Variants in RAPGEF4 observed in about 807,000 individuals in gnomAD.
The protein encoded by RAPGEF4 is RAP guanine-nucleotide-exchange factor (GEF) 4.
Under a neutral mutation model 147.9 loss-of-function variants are expected in RAPGEF4, and 66 were observed. The observed-to-expected ratio is 0.45, with a 90% CI of 0.37 to 0.55. The LOEUF is 0.55. RAPGEF4 is among the 20% of genes least tolerant of loss of function. The pLI is 0.00. For missense variants in RAPGEF4, 1,071 were observed against 1,257.3 expected (o/e 0.85, Z 2.24); for synonymous variants, 419 against 442.7 (o/e 0.95, Z 0.67).
chr2:172,996,179 T>C (rs1438204374), intron 15 of RAPGEF4, among the ~76,000 whole-genome samples: 1 of 152,218 alleles, frequency 6.6e-6, no homozygotes, highest in Non-Finnish European at 1.5e-5. Flanking sequence ...AAGACTGAAG[T>C]TTCTCAGTTC....
chr2:172,869,258 G>A (rs971540384), intron 4 of RAPGEF4, among the ~76,000 whole-genome samples: 1 of 152,048 alleles, frequency 6.6e-6, no homozygotes, highest in African/African-American at 2.4e-5. Context: ...AAAATAGAAG[G>A]TTTATCATGG....
intron 2 of RAPGEF4, among the ~76,000 whole-genome samples, chr2:172,795,836 CT>C (rs551629055): frequency 1.9e-3 from 288 of 152,296 alleles, no homozygotes; most frequent in Middle Eastern, 0.01. Context: ...CAGGTCCTTC[CT>C]GTATTTTTTG....
chr2:172,805,812 T>C (rs545508286), intron 3 of RAPGEF4, among the ~76,000 whole-genome samples: 3 of 152,336 alleles, frequency 2.0e-5, no homozygotes, highest in African/African-American at 7.2e-5. Context: ...GGTGCCTGTG[T>C]AACTTAAAAG....
chr2:172,795,998 C>A (rs1193540410), intron 2 of RAPGEF4, among the ~76,000 whole-genome samples: 1 of 152,200 alleles, frequency 6.6e-6, no homozygotes, highest in Non-Finnish European at 1.5e-5. Context: ...AGAAGTCTCC[C>A]AGCAGCCTTC....
intron 4 of RAPGEF4, among the ~76,000 whole-genome samples, chr2:172,824,396 C>G (rs971406609): frequency 6.6e-6 from 1 of 152,222 alleles, no homozygotes; most frequent in Admixed American, 6.5e-5. Flanking sequence ...CCCCTTTGTG[C>G]TTACTTCTGC....
At chr2:172,766,782 A>G (rs1020541445) in intron 1 of RAPGEF4, among the ~76,000 whole-genome samples, 3 of 152,094 alleles carry the variant, frequency 2.0e-5, no homozygotes, top group African/African-American at 7.2e-5. Context: ...TTTAATAGAT[A>G]CTCTTTTCTG....
At chr2:172,940,956 C>A (rs921269890) in intron 6 of RAPGEF4, among the ~76,000 whole-genome samples, 2 of 152,116 alleles carry the variant, frequency 1.3e-5, no homozygotes, top group Non-Finnish European at 2.9e-5. Flanking sequence ...TAGATTAATA[C>A]AAAGTACTTT....
rs193123477 is a variant in RAPGEF4 at position 172,873,678 on chromosome 2, A to C, written c.445-44124A>C. Among the ~76,000 whole-genome samples, 159 of 152,348 alleles carry C rather than the reference A, an allele frequency of 1.0e-3. 1 individual carries two copies. Among genetic ancestry groups the C allele is most frequent in the African/African-American group, 3.5e-3 (144 of 41,590 alleles). On this transcript the variant is annotated intron_variant, in intron 4 of 30. Coordinates refer to ENST00000397081, the MANE Select transcript of RAPGEF4 (RefSeq NM_007023.4). The stretch of plus-strand genomic sequence containing the variant: ...CTAAAACACCAAAAGCAATGGCAAC[A>C]AAAGCCAAAACTGACAAATGGGTTC...
At chr2:172,980,614 G>T (rs572613661) in intron 10 of RAPGEF4, among the ~76,000 whole-genome samples, 1 of 152,166 alleles carries the variant, frequency 6.6e-6, no homozygotes, top group Non-Finnish European at 1.5e-5. Context: ...TTCAAAAGGA[G>T]CTGGAATTCT....
At chr2:173,034,876 ACAC>A (rs1683737942) in intron 27 of RAPGEF4, among the ~76,000 whole-genome samples, 1 of 11,576 alleles carries the variant, frequency 8.6e-5, no homozygotes, top group Non-Finnish European at 2.3e-3. Flanking sequence ...CCGTCTCAAC[ACAC>A]ACACACACAC....
chr2:172,828,380 T>A (rs1330244895), intron 4 of RAPGEF4, among the ~76,000 whole-genome samples: 1 of 152,144 alleles, frequency 6.6e-6, no homozygotes, highest in African/African-American at 2.4e-5. Flanking sequence ...GGAGGGGTCA[T>A]AACAGCCCCT....
chr2:172,955,681 T>C (rs1688657190), intron 6 of RAPGEF4, among the ~76,000 whole-genome samples: 1 of 152,206 alleles, frequency 6.6e-6, no homozygotes, highest in South Asian at 2.1e-4. Flanking sequence ...TTTCTGGCTA[T>C]AGGGCCAAAC....
At position 173,018,765 on chromosome 2, in the gene RAPGEF4, G is replaced by A. The variant is rs369238861; in HGVS notation, c.2118G>A (p.Gly706=). 492 of 1,614,068 alleles carry A rather than the reference G, an allele frequency of 3.0e-4. 2 individuals carry two copies. The African/African-American group carries it at 4.3e-3, about 14-fold the overall frequency. Residue 706 remains glycine (G), a synonymous_variant, in exon 22 of 31, where the codon GGG becomes GGA. Transcript: ENST00000397081. ...ISAVADKLGS[G]EGLIIVKMSS... ...CAGTTGCCGACAAGCTGGGCTCCGG[G>A]GAGGGCCTGATCATAGTCAAGATGA...
chr2:172,891,203 G>A (rs184279174), intron 4 of RAPGEF4, among the ~76,000 whole-genome samples: 10 of 152,262 alleles, frequency 6.6e-5, no homozygotes, highest in Admixed American at 1.3e-4. Flanking sequence ...TTCTGAACAT[G>A]CGGTTCTGTG....
At chr2:173,020,580 G>T in intron 22 of RAPGEF4, 38 bp from the exon 23 acceptor site, 1 of 1,516,414 alleles carries the variant, frequency 6.6e-7, no homozygotes, top group Non-Finnish European at 9.2e-7. Context: ...AATCTCAGAT[G>T]TATTTAATAG....
At chr2:172,749,002 G>A (rs1160853914) in intron 1 of RAPGEF4, among the ~76,000 whole-genome samples, 2 of 152,240 alleles carry the variant, frequency 1.3e-5, no homozygotes, top group East Asian at 3.8e-4. Context: ...AGGTCACGCT[G>A]ATGCAAGAAG....
intron 6 of RAPGEF4, among the ~76,000 whole-genome samples, chr2:172,943,839 C>A (rs538665345): frequency 6.6e-6 from 1 of 152,288 alleles, no homozygotes; most frequent in Non-Finnish European, 1.5e-5. Context: ...TGTTCTATAT[C>A]TTCATAAAGG....
At chr2:172,845,179 G>C (rs17706217) in intron 4 of RAPGEF4, among the ~76,000 whole-genome samples, 54,802 of 152,068 alleles carry the variant, frequency 0.36, 10,341 homozygotes, top group Middle Eastern at 0.46. Flanking sequence ...CAAGCTGGAG[G>C]TTCTTTGAGT....
rs113515153 is a variant in RAPGEF4 at position 172,756,168 on chromosome 2, G to A, written c.65+20120G>A. Among the ~76,000 whole-genome samples the A allele has an allele frequency of 2.4e-3, 362 of 152,220 alleles. 1 individual carries two copies. The highest frequency in any genetic ancestry group is 7.9e-3 in the African/African-American group (328 of 41,530). On this transcript the variant is annotated intron_variant, in intron 1 of 30. Transcript: ENST00000397081. ...CTGATTAAGGTTCAAATATTGTTTC[G>A]TAGATAGTATTTACTAGGACAGTAA...
Sources: allele counts gnomAD v4.1 joint callset (sites outside exome capture counted in the v4.1 genomes callset), GRCh38; gene constraint gnomAD v4.1.1; transcripts MANE v1.5; gene names NCBI Gene and HGNC (gene_info 2026-07-23, HGNC 2026-07-21).